The following ST7L variants were observed in gnomAD, a reference collection of about 807,000 sequenced individuals.
ST7L encodes the protein suppression of tumorigenicity 7 like.
A neutral mutation model predicts 72.5 loss-of-function variants in ST7L; 57 were observed. The observed-to-expected ratio is 0.79, with a 90% confidence interval of 0.64 to 0.98. The LOEUF (loss-of-function observed/expected upper bound fraction) is 0.98. Among genes scored for constraint, ST7L ranks in the 50% least tolerant of loss-of-function variants. The pLI, the probability that ST7L is intolerant of heterozygous loss-of-function variation, is 0.00. For synonymous variants in ST7L, 221 were observed against 240.9 expected, an observed-to-expected ratio of 0.92 and a Z score of 0.77; for missense variants, 576 against 672.2, an observed-to-expected ratio of 0.86 and a Z score of 1.58.
rs1386758954 is a variant in ST7L at position 112,562,051 on chromosome 1, C to G, written c.1246-6033G>C. Among the ~76,000 whole-genome samples, 3 of 151,304 alleles carry G rather than the reference C, an allele frequency of 2.0e-5. No individual in the cohort carries two copies. In the East Asian group the frequency reaches 5.8e-4, roughly 29 times the overall value. ...GTATGATCATAGCTCACTGCAGCCT[C>G]GACCTCCTGGGCTCAAGCAATCCTC... On this transcript the variant is annotated intron_variant, in intron 11 of 14. Coordinates refer to ENST00000358039, the MANE Select transcript of ST7L (RefSeq NM_017744.5).
At chr1:112,539,498 A>ATG (rs1226139973) in intron 14 of ST7L, among the ~76,000 whole-genome samples, 1 of 152,162 alleles carries the variant, frequency 6.6e-6, no homozygotes, top group East Asian at 1.9e-4. Flanking sequence ...TCTACTAAAA[A>ATG]TACAAAAGTT....
intron 5 of ST7L, among the ~76,000 whole-genome samples, chr1:112,592,394 T>C (rs1030431884): frequency 1.3e-5 from 2 of 152,212 alleles, no homozygotes; most frequent in African/African-American, 4.8e-5. Context: ...GTTTGAATTT[T>C]CCTTTGGAAA....
chr1:112,610,944 TAC>T lies in ST7L; in HGVS notation c.346_347del (p.Val116LysfsTer27). ...CTCCCATCAGTGGTTGCAAATGGCT[TAC>T]AGATACTTGCTCAATAAAAGATGTG... ...HGTSFIEQVS[V>X]SHLQPLMGGT... is the part of the protein sequence containing the mutation. On this transcript the variant is annotated frameshift_variant, in exon 3 of 15. Coordinates refer to ENST00000358039, the MANE Select transcript of ST7L (RefSeq NM_017744.5). LOFTEE classifies it high-confidence loss of function. The T allele has an allele frequency of 6.2e-7, 1 of 1,614,228 alleles. No homozygotes were observed. The highest frequency in any genetic ancestry group is 8.5e-7 in the Non-Finnish European group (1 of 1,180,040).
At chr1:112,604,108 G>A (rs779565291) in intron 3 of ST7L, among the ~76,000 whole-genome samples, 1 of 152,116 alleles carries the variant, frequency 6.6e-6, no homozygotes, top group Non-Finnish European at 1.5e-5. Context: ...ATGAGTTTGA[G>A]ACCAGCCTAG....
intron 11 of ST7L, among the ~76,000 whole-genome samples, chr1:112,568,019 A>G (rs1571066809): frequency 6.6e-6 from 1 of 152,194 alleles, no homozygotes; most frequent in South Asian, 2.1e-4. Flanking sequence ...ACTGACATTC[A>G]GGGATCTAAC....
At chr1:112,582,706 A>G (rs1008982214) in intron 7 of ST7L, among the ~76,000 whole-genome samples, 2 of 152,160 alleles carry the variant, frequency 1.3e-5, no homozygotes, top group Non-Finnish European at 2.9e-5. Context: ...TAAAATACAC[A>G]TTTAATTATT....
intron 11 of ST7L, among the ~76,000 whole-genome samples, chr1:112,570,547 A>G (rs796494944): frequency 0.027 from 1,997 of 73,716 alleles, 50 homozygotes; most frequent in African/African-American, 0.11. Context: ...TAAAAGATGT[A>G]TATATATATA....
At chr1:112,557,941 A>T (rs1192545354) in intron 11 of ST7L, among the ~76,000 whole-genome samples, 1 of 152,228 alleles carries the variant, frequency 6.6e-6, no homozygotes, top group African/African-American at 2.4e-5. Flanking sequence ...ATTATCATTT[A>T]TAACAAAAGC....
At chr1:112,532,180 C>T (rs184758387) in intron 14 of ST7L, among the ~76,000 whole-genome samples, 7 of 152,200 alleles carry the variant, frequency 4.6e-5, no homozygotes, top group Non-Finnish European at 1.0e-4. Context: ...AAAGTTTCAA[C>T]TTTGAGTGCC....
chr1:112,570,630 C>T, intron 11 of ST7L: 1 of 378,272 alleles, frequency 2.6e-6, no homozygotes, highest in Non-Finnish European at 5.1e-6. Flanking sequence ...TATTGTGACT[C>T]ACAATTGAAG....
upstream of ST7L, chr1:112,619,388 G>A: frequency 1.8e-6 from 1 of 565,434 alleles, no homozygotes; most frequent in South Asian, 2.3e-5. Flanking sequence ...CAAACGAAAT[G>A]AGGGTCACCT....
chr1:112,604,539 A>C (rs1486954635), intron 3 of ST7L, among the ~76,000 whole-genome samples: 1 of 152,214 alleles, frequency 6.6e-6, no homozygotes, highest in East Asian at 1.9e-4. Flanking sequence ...CAGACATAGG[A>C]TAGACATCCC....
At chr1:112,587,795 A>G (rs1240456976) in intron 6 of ST7L, among the ~76,000 whole-genome samples, 2 of 152,126 alleles carry the variant, frequency 1.3e-5, no homozygotes, top group African/African-American at 4.8e-5. Flanking sequence ...TTTGGTATTC[A>G]GGGTCTCTTG....
At chr1:112,570,394 A>C (rs984563218) in intron 11 of ST7L, among the ~76,000 whole-genome samples, 1 of 152,086 alleles carries the variant, frequency 6.6e-6, no homozygotes, top group Admixed American at 6.6e-5. Context: ...AGCTTTAACA[A>C]ATTGCACAGC....
intron 3 of ST7L, among the ~76,000 whole-genome samples, chr1:112,609,870 A>G (rs141122245): frequency 1.3e-5 from 2 of 152,324 alleles, no homozygotes; most frequent in Admixed American, 1.3e-4. Context: ...ATAGAGGAAC[A>G]GTCTACAATA....
chr1:112,582,858 T>C (rs1166596975), intron 7 of ST7L, among the ~76,000 whole-genome samples: 1 of 151,886 alleles, frequency 6.6e-6, no homozygotes, highest in Admixed American at 6.6e-5. Context: ...GCATAAATGA[T>C]CTACTATTCT....
rs573740008 is a variant in ST7L at position 112,524,066 on chromosome 1, C to T, written c.*1947G>A. 9.9e-5 allele frequency: 15 copies of T among 152,254 alleles called. No individual in the cohort carries two copies. The highest frequency in any genetic ancestry group is 3.6e-4 in the African/African-American group (15 of 41,498). 9.4% of individuals were successfully genotyped at this position (152,254 alleles called of 1,614,324 possible). On this transcript the variant is annotated 3_prime_UTR_variant, in exon 15 of 15. Coordinates refer to ENST00000358039, the MANE Select transcript of ST7L (RefSeq NM_017744.5). ...TGGCCCTGAGGGTCTGTTTGCAAAACTTCTTGTAGATCTAATTTCTGAACA... is the reference window on the plus strand; with the variant it reads ...TGGCCCTGAGGGTCTGTTTGCAAAATTTCTTGTAGATCTAATTTCTGAACA...
At chr1:112,543,558 T>A (rs975771813) in intron 13 of ST7L, among the ~76,000 whole-genome samples, 1 of 149,802 alleles carries the variant, frequency 6.7e-6, no homozygotes, top group Non-Finnish European at 1.5e-5. Context: ...AAAATAAATA[T>A]GTAAATTAAT....
intron 3 of ST7L, among the ~76,000 whole-genome samples, chr1:112,603,498 C>T (rs1282821140): frequency 6.6e-6 from 1 of 152,194 alleles, no homozygotes; most frequent in African/African-American, 2.4e-5. Flanking sequence ...ATACTCCTCC[C>T]CTTTCCAATT....
Sources: allele counts gnomAD v4.1 joint callset (sites outside exome capture counted in the v4.1 genomes callset), GRCh38; gene constraint gnomAD v4.1.1; transcripts MANE v1.5; gene names NCBI Gene and HGNC (gene_info 2026-07-23, HGNC 2026-07-21).